Variants in RAPGEF4 observed in about 807,000 individuals in gnomAD.
The protein encoded by RAPGEF4 is RAP guanine-nucleotide-exchange factor (GEF) 4.
RAPGEF4 carries 66 observed loss-of-function variants against 147.9 expected under a neutral mutation model. The observed-to-expected ratio is 0.45, with a 90% CI of 0.37 to 0.55. The LOEUF (loss-of-function observed/expected upper bound fraction) is 0.55, where lower values mean the gene tolerates loss of function less well. RAPGEF4 is among the 20% of genes least tolerant of loss of function. The pLI is 0.00. For missense variants in RAPGEF4, 1,071 were observed against 1,257.3 expected (o/e 0.85, Z 2.24); for synonymous variants, 419 against 442.7 (o/e 0.95, Z 0.67).
intron 4 of RAPGEF4, among the ~76,000 whole-genome samples, chr2:172,907,322 C>T (rs895740144): frequency 6.6e-6 from 1 of 152,232 alleles, no homozygotes; most frequent in Non-Finnish European, 1.5e-5. Flanking sequence ...CCTTCCCATC[C>T]CTTCTTTCTG....
intron 4 of RAPGEF4, among the ~76,000 whole-genome samples, chr2:172,911,571 G>A (rs1170644923): frequency 2.0e-5 from 3 of 151,862 alleles, no homozygotes; most frequent in Non-Finnish European, 4.4e-5. Context: ...GGATTCTCCT[G>A]CCTCAGCCTC....
At chr2:172,799,923 G>A (rs1016638482) in intron 3 of RAPGEF4, among the ~76,000 whole-genome samples, 34 of 152,224 alleles carry the variant, frequency 2.2e-4, no homozygotes, top group Admixed American at 8.5e-4. Flanking sequence ...CAGGGGTTTC[G>A]GGAATATTGC....
At chr2:172,737,918 G>A (rs1053328554) in intron 1 of RAPGEF4, among the ~76,000 whole-genome samples, 1 of 152,192 alleles carries the variant, frequency 6.6e-6, no homozygotes, top group Non-Finnish European at 1.5e-5. Context: ...AGGTGAAATA[G>A]TTTGAAAACT....
chr2:172,766,317 C>T (rs898434080), intron 1 of RAPGEF4, among the ~76,000 whole-genome samples: 4 of 152,148 alleles, frequency 2.6e-5, no homozygotes, highest in Admixed American at 2.6e-4. Flanking sequence ...TTTGGGAGGC[C>T]AAGACGGGCA....
chr2:172,812,644 C>A (rs1443997633), intron 3 of RAPGEF4, among the ~76,000 whole-genome samples: 2 of 152,156 alleles, frequency 1.3e-5, no homozygotes, highest in African/African-American at 4.8e-5. Context: ...CATCCTAGTT[C>A]TTTTGCATTA....
intron 1 of RAPGEF4, among the ~76,000 whole-genome samples, chr2:172,758,899 C>G (rs1188595433): frequency 6.6e-6 from 1 of 152,014 alleles, no homozygotes; most frequent in Middle Eastern, 3.2e-3. Context: ...ATAGATGACA[C>G]TTAAAGCCAT....
intron 17 of RAPGEF4, among the ~76,000 whole-genome samples, chr2:173,013,615 G>A (rs1371293421): frequency 2.6e-5 from 4 of 152,140 alleles, no homozygotes; most frequent in Non-Finnish European, 4.4e-5. Context: ...CTCCTGTAGA[G>A]CATACAAGAA....
chr2:172,934,050 A>T (rs1004331484), intron 6 of RAPGEF4, among the ~76,000 whole-genome samples: 2 of 152,076 alleles, frequency 1.3e-5, no homozygotes, highest in African/African-American at 4.8e-5. Flanking sequence ...CGAGTAAATT[A>T]ATTTTTCTAG....
chr2:172,845,799 T>C (rs1466841483), intron 4 of RAPGEF4, among the ~76,000 whole-genome samples: 1 of 152,226 alleles, frequency 6.6e-6, no homozygotes, highest in Non-Finnish European at 1.5e-5. Context: ...CAGAAGTTTT[T>C]CATCACCCCA....
At chr2:173,005,880 G>C (rs1411204894) in intron 17 of RAPGEF4, among the ~76,000 whole-genome samples, 1 of 152,146 alleles carries the variant, frequency 6.6e-6, no homozygotes. Context: ...AACTGCCCGA[G>C]ATCCTGCATA....
intron 1 of RAPGEF4, among the ~76,000 whole-genome samples, chr2:172,780,937 T>C (rs560811282): frequency 1.3e-5 from 2 of 152,282 alleles, no homozygotes; most frequent in Admixed American, 6.5e-5. Context: ...CTTTACACAT[T>C]AAAAACATTT....
intron 4 of RAPGEF4, among the ~76,000 whole-genome samples, chr2:172,854,681 A>G (rs758200961): frequency 1.3e-4 from 20 of 150,462 alleles, no homozygotes; most frequent in African/African-American, 4.2e-4. Context: ...CTTATTTTGG[A>G]TTAATTAATT....
Position 172,990,855 on chromosome 2 carries a change from G to A in RAPGEF4, c.1420G>A (p.Val474Ile). Residue 474 changes from valine to isoleucine, a missense_variant, in exon 15 of 31, where the codon GTC becomes ATC. By Grantham distance (29) the Val-to-Ile change is conservative. Coordinates refer to ENST00000397081, the MANE Select transcript of RAPGEF4 (RefSeq NM_007023.4). ...TVRLKEHDQDVLVLEKVPAGN... is the reference protein window; with the variant it reads ...TVRLKEHDQDILVLEKVPAGN... ...CAGACTTAAAGAACATGACCAAGAT[G>A]TCTTGGTGCTGGAGAAGGTCCCAGC... 1 of 1,614,080 alleles carries A rather than the reference G, an allele frequency of 6.2e-7. No homozygotes were observed. Among genetic ancestry groups the A allele is most frequent in the Non-Finnish European group, 8.5e-7 (1 of 1,179,954 alleles).
At chr2:172,812,044 CTAAGTA>C (rs1213006742) in intron 3 of RAPGEF4, among the ~76,000 whole-genome samples, 1 of 152,206 alleles carries the variant, frequency 6.6e-6, no homozygotes, top group Non-Finnish European at 1.5e-5. Flanking sequence ...ATTCAGATTT[CTAAGTA>C]TATTTGTCCT....
chr2:172,749,396 C>T (rs1047008754), intron 1 of RAPGEF4, among the ~76,000 whole-genome samples: 6 of 152,236 alleles, frequency 3.9e-5, no homozygotes, highest in African/African-American at 1.4e-4. Context: ...AGGTTCAACA[C>T]CATGTGGAAG....
intron 4 of RAPGEF4, among the ~76,000 whole-genome samples, chr2:172,837,243 G>A (rs1379543360): frequency 1.3e-5 from 2 of 152,074 alleles, no homozygotes; most frequent in South Asian, 2.1e-4. Flanking sequence ...ATGCTAAGTA[G>A]CCATCTTATA....
chr2:172,983,549 A>T lies in RAPGEF4; in HGVS notation c.1058A>T (p.His353Leu). The change falls in exon 11 of 31, where the codon CAT becomes CTT. Residue 353 changes from histidine (H) to leucine (L), a missense_variant. By Grantham distance (99) the His-to-Leu change is moderately conservative. Coordinates refer to ENST00000397081, the MANE Select transcript of RAPGEF4 (RefSeq NM_007023.4). The part of the protein sequence containing the change: ...DLEIIYEELL[H>L]IKALSHLSTT... Reference sequence around the variant, plus strand: ...GAGATTATCTATGAGGAGCTTCTTCATATTAAAGCCTTATCCCATCTTTCT... The same window carrying T: ...GAGATTATCTATGAGGAGCTTCTTCTTATTAAAGCCTTATCCCATCTTTCT... 6.2e-7 allele frequency: 1 copy of T among 1,613,232 alleles called. No homozygotes were observed. Among genetic ancestry groups the T allele is most frequent in the Non-Finnish European group, 8.5e-7 (1 of 1,179,906 alleles).
At chr2:172,820,974 G>C (rs1221964640) in intron 4 of RAPGEF4, among the ~76,000 whole-genome samples, 1 of 152,144 alleles carries the variant, frequency 6.6e-6, no homozygotes, top group Admixed American at 6.5e-5. Flanking sequence ...ATTGTTTGAA[G>C]CAACAGCAGC....
intron 1 of RAPGEF4, among the ~76,000 whole-genome samples, chr2:172,778,750 T>G (rs1238507289): frequency 6.6e-6 from 1 of 152,212 alleles, no homozygotes; most frequent in African/African-American, 2.4e-5. Context: ...TAATACCACA[T>G]TTTTGAATAT....
Sources: gnomAD v4.1 joint callset for allele counts (sites outside exome capture counted in the v4.1 genomes callset) on GRCh38, gnomAD v4.1.1 for gene constraint, MANE v1.5 for transcripts, NCBI Gene and HGNC (gene_info 2026-07-23, HGNC 2026-07-21) for gene names.